The following ZNF800 variants were observed in gnomAD, a reference collection of about 807,000 sequenced individuals.
The protein encoded by ZNF800 is zinc finger protein 800.
Under a neutral mutation model 59.5 loss-of-function variants are expected in ZNF800, and 13 were observed. The observed-to-expected ratio is 0.22, with a 90% CI of 0.14 to 0.35. ZNF800 has a LOEUF of 0.35. Among genes scored for constraint, ZNF800 ranks in the 10% least tolerant of loss-of-function variants. The pLI, the probability that ZNF800 is intolerant of heterozygous loss-of-function variation, is 1.00. For missense variants in ZNF800, 621 were observed against 783.7 expected (o/e 0.79, Z 2.48); for synonymous variants, 266 against 265.7 (o/e 1.00, Z -0.01).
chr7:127,374,518 G>A lies in ZNF800; in HGVS notation c.818C>T (p.Ser273Phe). 1 of 1,614,114 alleles carries A rather than the reference G, an allele frequency of 6.2e-7. No individual in the cohort carries two copies. ...AACATTCTTACTGCGTCCTTTAGAG[G>A]ATTGGTTTGGATTCTTTCGTGTTTC... The part of the protein sequence containing the change: ...YIETRKNPNQ[S>F]SKGRSKNVLV... The change falls in exon 5 of 6, where the codon TCC (serine) becomes TTC (phenylalanine). Residue 273 changes from serine to phenylalanine, a missense_variant. Ser to Phe is a radical substitution (Grantham distance 155). Transcript: ENST00000265827.
rs776883697 is a variant in ZNF800 at position 127,374,319 on chromosome 7, T to C, written c.1017A>G (p.Lys339=). 7 of 1,613,178 alleles carry C rather than the reference T, an allele frequency of 4.3e-6. No homozygotes were observed. The highest frequency in any genetic ancestry group is 5.9e-6 in the Non-Finnish European group (7 of 1,179,766). The change falls in exon 5 of 6, where the codon AAA becomes AAG. Residue 339 remains lysine (K), a synonymous_variant. Coordinates refer to ENST00000265827, the MANE Select transcript of ZNF800 (RefSeq NM_176814.5). ...ACTTTTGTTTTCGAGTCTTAAAAGA[T>C]TTTTTAGGAGAAATAGAATCCAGGA... ...PLFLDSISPK[K]SFKTRKQKSS...
intron 3 of ZNF800, among the ~76,000 whole-genome samples, chr7:127,381,431 G>A (rs1800972982): frequency 9.4e-6 from 1 of 106,932 alleles, no homozygotes; most frequent in African/African-American, 3.6e-5. Flanking sequence ...ACCTGTAAGG[G>A]CTGGTTAAAT....
chr7:127,377,922 G>A lies in ZNF800; in HGVS notation c.158-593C>T, dbSNP rs1587444508. Among the ~76,000 whole-genome samples the A allele has an allele frequency of 6.6e-6, 1 of 151,854 alleles. No individual in the cohort carries two copies. Among genetic ancestry groups the A allele is most frequent in the Non-Finnish European group, 1.5e-5 (1 of 67,900 alleles). ...CAACATGGGATTATGGCTATTTAGCGTGATTCTCTACGAAGTAGAGAATCT... is the reference window on the plus strand; with the variant it reads ...CAACATGGGATTATGGCTATTTAGCATGATTCTCTACGAAGTAGAGAATCT... On this transcript the variant is annotated intron_variant, in intron 3 of 5. Coordinates refer to ENST00000265827, the MANE Select transcript of ZNF800 (RefSeq NM_176814.5). The surrounding 1 kb of genome is among the most constrained non-coding windows in gnomAD (Gnocchi z 4.7).
In ZNF800 at chr7:127,374,576, T is replaced by G; in HGVS notation, c.760A>C (p.Lys254Gln). 6.8e-6 allele frequency: 11 copies of G among 1,614,152 alleles called. No individual in the cohort carries two copies. The highest frequency in any genetic ancestry group is 8.5e-6 in the Non-Finnish European group (10 of 1,179,998). The change falls in exon 5 of 6, where the codon AAG (lysine) becomes CAG (glutamine). Residue 254 changes from lysine (K) to glutamine (Q), a missense_variant. This residue lies in a region of ZNF800 where 218 missense variants were observed against 230.8 expected (regional missense o/e 0.94). Coordinates refer to ENST00000265827, the MANE Select transcript of ZNF800 (RefSeq NM_176814.5). ...GVRRHIRKVHKKKMEELKKYI... is the reference protein window; with the variant it reads ...GVRRHIRKVHQKKMEELKKYI... ...TTTTTTAGTTCTTCCATCTTTTTCT[T>G]GTGTACTTTTCGAATGTGACGGCGA... is the stretch of plus-strand genomic sequence containing the variant.
At chr7:127,343,882 A>T (rs1423056045), downstream of ZNF800, among the ~76,000 whole-genome samples, 2 of 152,080 alleles carry the variant, frequency 1.3e-5, no homozygotes, top group Non-Finnish European at 2.9e-5. Context: ...AAATCACATG[A>T]TCATTTCTAG....
intron 1 of ZNF800, chr7:127,364,817 T>A (rs183706755): frequency 4.6e-4 from 70 of 152,200 alleles, no homozygotes; most frequent in African/African-American, 1.6e-3. Flanking sequence ...TAAACAAACA[T>A]CTTCTACTTT....
chr7:127,384,301 T>A (rs1436455657), intron 3 of ZNF800, among the ~76,000 whole-genome samples: 2 of 143,674 alleles, frequency 1.4e-5, no homozygotes, highest in Non-Finnish European at 1.5e-5. Flanking sequence ...TGGCGCTATC[T>A]TGGCTCACTG....
intron 3 of ZNF800, among the ~76,000 whole-genome samples, chr7:127,381,849 G>T (rs553729156): frequency 6.6e-6 from 1 of 151,732 alleles, no homozygotes; most frequent in African/African-American, 2.4e-5. Context: ...TCCACCCTAC[G>T]CTTTGCCTTC....
At chr7:127,386,498 C>T (rs1032581635) in intron 2 of ZNF800, among the ~76,000 whole-genome samples, 1 of 152,156 alleles carries the variant, frequency 6.6e-6, no homozygotes, top group Non-Finnish European at 1.5e-5. Context: ...GAAGAGGAAC[C>T]ACTATATTTA....
At chr7:127,353,815 A>C (rs955819831) in intron 1 of ZNF800, among the ~76,000 whole-genome samples, 7 of 150,104 alleles carry the variant, frequency 4.7e-5, no homozygotes, top group African/African-American at 1.5e-4. Flanking sequence ...CTGAAAGTTA[A>C]AGCAATAATT....
chr7:127,344,041 C>T (rs1197528343), downstream of ZNF800, among the ~76,000 whole-genome samples: 1 of 151,792 alleles, frequency 6.6e-6, no homozygotes, highest in South Asian at 2.1e-4. Context: ...AATGGCATAC[C>T]TAACAAATCA....
chr7:127,373,303 TGGG>T (rs774132118), intron 5 of ZNF800, 36 bp downstream of exon 5: 3 of 1,532,052 alleles, frequency 2.0e-6, no homozygotes, highest in Non-Finnish European at 2.6e-6. Flanking sequence ...TTTAGTTCGA[TGGG>T]GGGAAAAAAG....
intron 2 of ZNF800, among the ~76,000 whole-genome samples, chr7:127,388,827 C>T (rs1031629867): frequency 2.6e-5 from 4 of 152,206 alleles, no homozygotes; most frequent in Non-Finnish European, 5.9e-5. Flanking sequence ...GTAGCTCCCA[C>T]TCTAAAGAAA....
chr7:127,359,685 C>T (rs1405779922), intron 1 of ZNF800: 1 of 151,954 alleles, frequency 6.6e-6, no homozygotes, highest in Non-Finnish European at 1.5e-5. Context: ...TATTTGACCT[C>T]AGAGGACCAT....
At chr7:127,344,546 T>C (rs1800024299), downstream of ZNF800, among the ~76,000 whole-genome samples, 1 of 151,964 alleles carries the variant, frequency 6.6e-6, no homozygotes. Context: ...CGAGAATACA[T>C]GAAAAAATAT....
rs528565906 is a variant in ZNF800, at chr7:127,377,120, T to C, written c.301+66A>G. 3 of 1,360,180 alleles carry C rather than the reference T, an allele frequency of 2.2e-6. No individual in the cohort carries two copies. Among genetic ancestry groups the C allele is most frequent in the Admixed American group, 4.7e-5 (2 of 42,880 alleles). The allele number at this position is 1,360,180 out of a possible 1,614,324, so 84.3% of individuals were successfully genotyped here. On this transcript the variant is annotated intron_variant, in intron 4 of 5. Coordinates refer to ENST00000265827, the MANE Select transcript of ZNF800 (RefSeq NM_176814.5). The surrounding 1 kb of genome is among the most constrained non-coding windows in gnomAD (Gnocchi z 4.7). The stretch of plus-strand genomic sequence containing the variant: ...TAACTAGATACAATTTTAATGCAAA[T>C]GTATACTTGCAGTATAAGAATACTT...
rs185923568 is a variant in ZNF800 at position 127,353,106 on chromosome 7, G to A, written n.225-5063C>T. On this transcript the variant is annotated intron_variant and non_coding_transcript_variant, in intron 1 of 1. Transcript: ENST00000485577. ...AAAGAATCAGTCACCTAAGCAAAAA[G>A]AAAAAGTCCAAGTAGAACTTGGACA... is the stretch of plus-strand genomic sequence containing the variant. Among the ~76,000 whole-genome samples, 1,019 of 152,172 alleles carry A rather than the reference G, an allele frequency of 6.7e-3. 6 individuals carry two copies. Among genetic ancestry groups the A allele is most frequent in the Middle Eastern group, 0.061 (18 of 294 alleles).
At chr7:127,385,889 A>C (rs769849932) in intron 3 of ZNF800, among the ~76,000 whole-genome samples, 171 bp downstream of exon 3, 61 of 152,158 alleles carry the variant, frequency 4.0e-4, no homozygotes, top group Non-Finnish European at 4.0e-4. Flanking sequence ...TAATCTCTAG[A>C]CCAAGTCAGT....
Position 127,374,051 on chromosome 7 carries a change from T to C in ZNF800, c.1285A>G (p.Asn429Asp), listed in dbSNP as rs1216783835. The C allele has an allele frequency of 6.2e-7, 1 of 1,614,136 alleles. No individual in the cohort carries two copies. Among genetic ancestry groups the C allele is most frequent in the East Asian group, 2.2e-5 (1 of 44,884 alleles). ...GAATGATTTGTTCCCTTTAATTCAT[T>C]CTGTGGAGAATGGGTAATGGAAGGG... ...SPPSITHSPQ[N>D]ELKGTNHSNE... The change falls in exon 5 of 6, where the codon AAT becomes GAT. Residue 429 changes from asparagine to aspartate, a missense_variant. Asn to Asp is a conservative substitution (Grantham distance 23). Around this residue, in one of 7 missense-constraint regions of ZNF800, gnomAD observed 185 missense variants for 177.6 expected, o/e 1.04. Transcript: ENST00000265827.
Sources: allele counts gnomAD v4.1 joint callset (sites outside exome capture counted in the v4.1 genomes callset), GRCh38; gene constraint gnomAD v4.1.1; regional missense constraint gnomAD v4.1.1; non-coding constraint Gnocchi (gnomAD v3.1); transcripts MANE v1.5; gene names NCBI Gene and HGNC (gene_info 2026-07-23, HGNC 2026-07-21).